The following PIKFYVE variants were observed in gnomAD, a reference collection of about 807,000 sequenced individuals.
PIKFYVE encodes 1-phosphatidylinositol 3-phosphate 5-kinase.
In PIKFYVE, 122 loss-of-function variants were observed where a neutral mutation model predicts 257.9. The ratio of observed to expected loss-of-function variants is 0.47; its 90% CI spans 0.41 to 0.55. The LOEUF is 0.55. PIKFYVE is among the 20% of genes least tolerant of loss of function. The pLI is 0.00. For synonymous variants in PIKFYVE, 892 were observed against 868.9 expected, an observed-to-expected ratio of 1.03 and a Z score of -0.47; for missense variants, 2,160 against 2,536.6, an observed-to-expected ratio of 0.85 and a Z score of 3.19.
chr2:208,353,821 C>A, intron 39 of PIKFYVE, 77 bp from the exon 40 acceptor site: 1 of 1,538,786 alleles, frequency 6.5e-7, no homozygotes, highest in East Asian at 2.2e-5. Context: ...AGTCTTTCTG[C>A]CTTTTTTATT....
In PIKFYVE at chr2:208,347,995, G is replaced by C. The variant is rs779174683; in HGVS notation, c.5346G>C (p.Gly1782=). 1.9e-6 allele frequency: 3 copies of C among 1,614,034 alleles called. No individual in the cohort carries two copies. The highest frequency in any genetic ancestry group is 1.3e-5 in the African/African-American group (1 of 74,914). ...YYQVGQTGKE[G]TENQGVEPQD... is the part of the protein sequence containing the mutation. ...AGGTTGGGCAGACGGGCAAGGAGGG[G>C]ACCGAGAATCAAGGCGTTGAGCCTC... is the stretch of plus-strand genomic sequence containing the variant. The change falls in exon 35 of 42, where the codon GGG becomes GGC. Residue 1782 remains glycine (G), a synonymous_variant. Coordinates refer to ENST00000264380, the MANE Select transcript of PIKFYVE (RefSeq NM_015040.4).
chr2:208,343,095 G>C (rs1409114115), intron 32 of PIKFYVE, among the ~76,000 whole-genome samples: 1 of 152,094 alleles, frequency 6.6e-6, no homozygotes, highest in Non-Finnish European at 1.5e-5. Flanking sequence ...ATGCCTGGCA[G>C]CTTGTTCTTT....
intron 17 of PIKFYVE, among the ~76,000 whole-genome samples, chr2:208,320,971 T>C (rs1174074694): frequency 2.0e-5 from 3 of 152,250 alleles, no homozygotes; most frequent in Non-Finnish European, 4.4e-5. Flanking sequence ...TTGGTAGCTT[T>C]GCTGCTCAGA....
chr2:208,335,549 A>C, intron 25 of PIKFYVE, 130 bp downstream of exon 25: 1 of 860,930 alleles, frequency 1.2e-6, no homozygotes, highest in Non-Finnish European at 1.8e-6. Context: ...TGGTGTACAA[A>C]AAGAAAATTG....
intron 24 of PIKFYVE, 139 bp from the exon 25 acceptor site, chr2:208,335,167 T>C (rs1221624858): frequency 7.3e-6 from 5 of 681,116 alleles, no homozygotes; most frequent in Non-Finnish European, 1.3e-5. Context: ...AAATTATTTT[T>C]GTGATTGTTT....
At chr2:208,308,196 C>T (rs1694557052) in intron 12 of PIKFYVE, among the ~76,000 whole-genome samples, 1 of 151,804 alleles carries the variant, frequency 6.6e-6, no homozygotes, top group South Asian at 2.1e-4. Context: ...TCTAGGAGTT[C>T]AAGACCAGTT....
At chr2:208,279,014 A>G (rs1243394143) in intron 5 of PIKFYVE, among the ~76,000 whole-genome samples, 3 of 152,182 alleles carry the variant, frequency 2.0e-5, no homozygotes, top group Admixed American at 6.5e-5. Flanking sequence ...ACTAATTTAC[A>G]TTCCCATCAG....
chr2:208,283,644 C>T (rs921391049), intron 5 of PIKFYVE, among the ~76,000 whole-genome samples: 1 of 151,982 alleles, frequency 6.6e-6, no homozygotes, highest in Non-Finnish European at 1.5e-5. Context: ...GGCACGACCA[C>T]AGCTCAGCTC....
intron 29 of PIKFYVE, among the ~76,000 whole-genome samples, chr2:208,338,809 A>C (rs758044872): frequency 6.6e-5 from 10 of 152,210 alleles, no homozygotes. Context: ...GGAAGAAAAA[A>C]CAGAAAAAAG....
chr2:208,340,192 T>C, intron 31 of PIKFYVE, 61 bp downstream of exon 31: 1 of 1,579,136 alleles, frequency 6.3e-7, no homozygotes, highest in Non-Finnish European at 8.7e-7. Context: ...AGTTGCTCGC[T>C]TCATATTTAA....
At chr2:208,303,399 G>A (rs1693955725) in intron 10 of PIKFYVE, among the ~76,000 whole-genome samples, 1 of 151,990 alleles carries the variant, frequency 6.6e-6, no homozygotes. Context: ...ACTACTAATA[G>A]CTTAGTGTTG....
intron 1 of PIKFYVE, chr2:208,269,519 G>T: frequency 3.6e-6 from 1 of 276,236 alleles, no homozygotes; most frequent in South Asian, 4.1e-5. Context: ...AGCCCCTCCA[G>T]GTAGTCCTCA....
rs541486862 is a variant in PIKFYVE at position 208,309,432 on chromosome 2, G to A, written c.1637-2804G>A. Among the ~76,000 whole-genome samples the A allele has an allele frequency of 3.4e-4, 51 of 152,148 alleles. No individual in the cohort carries two copies. The South Asian group carries it at 0.01, about 31-fold the overall frequency. ...CTTAATAGTGTGATGTGCCAACCCC[G>A]CACTCCCTGGCACTCCCTAGGGCAA... On this transcript the variant is annotated intron_variant, in intron 12 of 41. Transcript: ENST00000264380.
intron 13 of PIKFYVE, 108 bp downstream of exon 13, chr2:208,312,403 G>T: frequency 1.2e-6 from 1 of 825,700 alleles, no homozygotes; most frequent in Non-Finnish European, 2.0e-6. Context: ...AAATATATTT[G>T]ATTATGGTGG....
intron 15 of PIKFYVE, among the ~76,000 whole-genome samples, chr2:208,316,594 T>C (rs1304375400): frequency 6.6e-6 from 1 of 152,152 alleles, no homozygotes; most frequent in Non-Finnish European, 1.5e-5. Flanking sequence ...TGGTATCTCA[T>C]TGTGGTTTTG....
At chr2:208,309,925 T>G (rs1180420500) in intron 12 of PIKFYVE, among the ~76,000 whole-genome samples, 1 of 152,238 alleles carries the variant, frequency 6.6e-6, no homozygotes, top group Non-Finnish European at 1.5e-5. Flanking sequence ...GTGAGAATAT[T>G]ACAGAGGAGG....
chr2:208,302,452 T>C, intron 10 of PIKFYVE, 99 bp downstream of exon 10: 1 of 1,158,502 alleles, frequency 8.6e-7, no homozygotes. Context: ...GAAGATGATT[T>C]TTCTAACATT....
In PIKFYVE at chr2:208,336,943, C is replaced by A. The variant is rs746981062; in HGVS notation, c.4611+15C>A. 5 of 1,578,638 alleles carry A rather than the reference C, an allele frequency of 3.2e-6. No individual in the cohort carries two copies. The highest frequency in any genetic ancestry group is 1.1e-5 in the South Asian group (1 of 90,252). On this transcript the variant is annotated intron_variant, in intron 28 of 41. Transcript: ENST00000264380. The stretch of plus-strand genomic sequence containing the variant: ...AAGAAAGCAAGGTATGAAATGTAGT[C>A]TTGTCTTTGGTCCTTAATCAATAGA...
chr2:208,323,408 A>G lies in PIKFYVE; in HGVS notation c.2191-734A>G, dbSNP rs186802779. On this transcript the variant is annotated intron_variant, in intron 17 of 41. Coordinates refer to ENST00000264380, the MANE Select transcript of PIKFYVE (RefSeq NM_015040.4). ...AGTTTACTGAGAATGATGATTTACAATTTCATCCACGTCCCTACAAAGGAC... is the reference window on the plus strand; with the variant it reads ...AGTTTACTGAGAATGATGATTTACAGTTTCATCCACGTCCCTACAAAGGAC... Among the ~76,000 whole-genome samples the G allele has an allele frequency of 3.5e-3, 522 of 148,186 alleles. 3 individuals are homozygous for G. Among genetic ancestry groups the G allele is most frequent in the African/African-American group, 0.012 (492 of 40,172 alleles).
Sources: gnomAD v4.1 joint callset for allele counts (sites outside exome capture counted in the v4.1 genomes callset) on GRCh38, gnomAD v4.1.1 for gene constraint, MANE v1.5 for transcripts, NCBI Gene and HGNC (gene_info 2026-07-23, HGNC 2026-07-21) for gene names.